CCDC92B: variants seen among roughly 807,000 people sequenced by gnomAD.
CCDC92B encodes the protein coiled-coil domain-containing 92B.
Under a neutral mutation model 5.6 loss-of-function variants are expected in CCDC92B, and 2 were observed. The observed-to-expected ratio is 0.36, with a 90% confidence interval of 0.15 to 1.12. CCDC92B has a LOEUF of 1.12. Ranked by LOEUF, CCDC92B falls within the 50% of genes most tolerant of loss-of-function variation. CCDC92B has a pLI of 0.40. For missense variants in CCDC92B, 271 were observed against 262.2 expected (o/e 1.03, Z -0.23); for synonymous variants, 115 against 122.3 (o/e 0.94, Z 0.39).
At chr17:2,725,896 A>C (rs914531536) in intron 3 of CCDC92B, among the ~76,000 whole-genome samples, 2 of 151,848 alleles carry the variant, frequency 1.3e-5, no homozygotes, top group African/African-American at 4.8e-5. Context: ...AGCTTGTGTA[A>C]AAGTCCAGAG....
intron 1 of CCDC92B, among the ~76,000 whole-genome samples, chr17:2,740,975 A>AG (rs1162687435): frequency 6.6e-6 from 1 of 151,008 alleles, no homozygotes; most frequent in East Asian, 1.9e-4. Flanking sequence ...CAAAAAAAAA[A>AG]AAAAAAAAAA....
chr17:2,746,428 A>G (rs149968612), intron 1 of CCDC92B, among the ~76,000 whole-genome samples: 32 of 152,358 alleles, frequency 2.1e-4, no homozygotes, highest in African/African-American at 7.5e-4. Context: ...TCTGAAAGTT[A>G]CAAATACTTT....
Position 2,724,313 on chromosome 17 carries a change from G to A in CCDC92B, c.*98C>T, listed in dbSNP as rs907841178. The A allele has an allele frequency of 3.0e-6, 3 of 985,224 alleles. No homozygotes were observed. The highest frequency in any genetic ancestry group is 1.7e-5 in the African/African-American group (1 of 57,214). The allele number at this position is 985,224 out of a possible 1,614,324, so 61.0% of individuals were successfully genotyped here. On this transcript the variant is annotated 3_prime_UTR_variant, in exon 4 of 4. Transcript: ENST00000614400. The surrounding 1 kb of genome is among the most constrained non-coding windows in gnomAD (Gnocchi z 5.0). ...CCTCGCCCCGCTTCCTGGAGGAGGG[G>A]CGGCTGCCCTCCGACCCGGGACCTG...
At chr17:2,737,545 G>C (rs564823065) in intron 1 of CCDC92B, among the ~76,000 whole-genome samples, 1 of 139,236 alleles carries the variant, frequency 7.2e-6, no homozygotes, top group South Asian at 2.4e-4. Context: ...CACGATCTCG[G>C]CTCACTGCAA....
chr17:2,725,567 C>T (rs548695676), intron 3 of CCDC92B, among the ~76,000 whole-genome samples: 10 of 151,792 alleles, frequency 6.6e-5, no homozygotes, highest in African/African-American at 2.4e-4. Flanking sequence ...GTGCAAACCC[C>T]TTCCTGGCCC....
chr17:2,746,951 T>C (rs1056459036), intron 1 of CCDC92B, among the ~76,000 whole-genome samples: 1 of 152,176 alleles, frequency 6.6e-6, no homozygotes, highest in Non-Finnish European at 1.5e-5. Flanking sequence ...GGACTACAGA[T>C]GTGAGCCACA....
In CCDC92B at chr17:2,723,827, G is replaced by C. The variant is rs2070687422; in HGVS notation, c.*584C>G. The C allele has an allele frequency of 2.5e-6, 1 of 407,246 alleles. No individual in the cohort carries two copies. Among genetic ancestry groups the C allele is most frequent in the African/African-American group, 2.2e-5 (1 of 46,274 alleles). The allele number at this position is 407,246 out of a possible 1,614,324, so 25.2% of individuals were successfully genotyped here. A position where few individuals can be genotyped will look rare whatever the true frequency, so the allele number is the denominator to read the frequency against. On this transcript the variant is annotated 3_prime_UTR_variant, in exon 4 of 4. Coordinates refer to ENST00000614400, the MANE Select transcript of CCDC92B (RefSeq NM_001355573.2). Reference sequence around the variant, plus strand: ...CGCACTTTTCCCACCAGGGGCTCTGGGAGGACGTGTCTTCTAAAGTGTTCC... The same window carrying C: ...CGCACTTTTCCCACCAGGGGCTCTGCGAGGACGTGTCTTCTAAAGTGTTCC...
At chr17:2,731,139 G>A (rs1309334639) in intron 2 of CCDC92B, among the ~76,000 whole-genome samples, 2 of 152,196 alleles carry the variant, frequency 1.3e-5, no homozygotes, top group Non-Finnish European at 2.9e-5. Flanking sequence ...TCTATTGATG[G>A]GGGCCGGGCT....
chr17:2,738,335 G>A (rs2070878077), intron 1 of CCDC92B, among the ~76,000 whole-genome samples: 1 of 152,054 alleles, frequency 6.6e-6, no homozygotes, highest in Admixed American at 6.6e-5. Context: ...GCTGGATCCA[G>A]CTGATTTATG....
Position 2,722,098 on chromosome 17 carries a change from G to A in CCDC92B, c.*2313C>T, listed in dbSNP as rs2151734756. The A allele has an allele frequency of 6.6e-6, 1 of 152,270 alleles. No individual in the cohort carries two copies. The highest frequency in any genetic ancestry group is 2.4e-5 in the African/African-American group (1 of 41,536). The allele number at this position is 152,270 out of a possible 1,614,324, so 9.4% of individuals were successfully genotyped here. A position where few individuals can be genotyped will look rare whatever the true frequency, so the allele number is the denominator to read the frequency against. ...TCTGCAGAAGAATCGACCTAACAAA[G>A]TCACCCTGTTCACCCCAAAAGTGTG... On this transcript the variant is annotated 3_prime_UTR_variant, in exon 4 of 4. Transcript: ENST00000614400.
chr17:2,737,926 C>T (rs1028329653), intron 1 of CCDC92B, among the ~76,000 whole-genome samples: 9 of 152,104 alleles, frequency 5.9e-5, no homozygotes, highest in African/African-American at 2.2e-4. Flanking sequence ...TACCACCCCA[C>T]CCCACTTCAC....
chr17:2,742,314 C>T (rs77187791), intron 1 of CCDC92B, among the ~76,000 whole-genome samples: 4,522 of 152,088 alleles, frequency 0.03, 220 homozygotes, highest in African/African-American at 0.1. Flanking sequence ...ATCACTCTGG[C>T]GGCTGTGGGG....
intron 1 of CCDC92B, among the ~76,000 whole-genome samples, chr17:2,738,501 A>G (rs1334626966): frequency 6.6e-6 from 1 of 151,764 alleles, no homozygotes; most frequent in Non-Finnish European, 1.5e-5. Flanking sequence ...GGCTGGGCGC[A>G]GTGGCTCACG....
At chr17:2,743,014 G>A (rs187797617) in intron 1 of CCDC92B, among the ~76,000 whole-genome samples, 93 of 152,200 alleles carry the variant, frequency 6.1e-4, no homozygotes, top group Non-Finnish European at 1.1e-3. Flanking sequence ...TATCTCCATC[G>A]TCATCACCCA....
chr17:2,744,621 A>G lies in CCDC92B; in HGVS notation c.-24+4790T>C, dbSNP rs61063271. ...GGCAAACAGGAAGTACTCAGTAAAC[A>G]TCTTTAGAGTGGGTGAAGTTGTGGG... is the stretch of plus-strand genomic sequence containing the variant. On this transcript the variant is annotated intron_variant, in intron 1 of 3. Transcript: ENST00000614400. 7.9e-3 allele frequency among the ~76,000 whole-genome samples: 1,208 copies of G among 152,298 alleles called. 19 individuals are homozygous for G. Among genetic ancestry groups the G allele is most frequent in the African/African-American group, 0.027 (1,125 of 41,564 alleles).
chr17:2,748,995 G>T (rs1442152924), intron 1 of CCDC92B, among the ~76,000 whole-genome samples: 2 of 152,146 alleles, frequency 1.3e-5, no homozygotes, highest in Non-Finnish European at 2.9e-5. Context: ...GGGTGTATGG[G>T]GAAACTGGAG....
intron 1 of CCDC92B, 39 bp downstream of exon 1, chr17:2,749,343 CCGCGCTGCTCCCCCCTGGGGCCGCTCCGG>C (rs1194682664): frequency 6.6e-6 from 1 of 152,012 alleles, no homozygotes; most frequent in African/African-American, 2.4e-5. Flanking sequence ...TGGAGCTTGG[CCGCGCTGCTCCCCCCTGGGGCCGCTCCGG>C]CGCCCACACC....
At position 2,724,640 on chromosome 17, in the gene CCDC92B, T is replaced by C; in HGVS notation, c.539A>G (p.His180Arg). ...GCCGGGGCCCTTGGCGGCGGCCTCGTGGGCAGCAGGCGGGCGGCGGGCTCG... is the reference window on the plus strand; with the variant it reads ...GCCGGGGCCCTTGGCGGCGGCCTCGCGGGCAGCAGGCGGGCGGCGGGCTCG... ...ALRARRPPAA[H>R]EAAAKGPGRD... is the part of the protein sequence containing the mutation. The change falls in exon 4 of 4, where the codon CAC (histidine) becomes CGC (arginine). Residue 180 changes from histidine to arginine, a missense_variant. Transcript: ENST00000614400. The surrounding 1 kb of genome is among the most constrained non-coding windows in gnomAD (Gnocchi z 5.0). 1.0e-6 allele frequency: 1 copy of C among 981,074 alleles called. No individual in the cohort carries two copies. Among genetic ancestry groups the C allele is most frequent in the African/African-American group, 1.8e-5 (1 of 56,640 alleles). The allele number at this position is 981,074 out of a possible 1,614,324, so 60.8% of individuals were successfully genotyped here.
At chr17:2,738,754 G>A (rs1201076714) in intron 1 of CCDC92B, among the ~76,000 whole-genome samples, 2 of 122,546 alleles carry the variant, frequency 1.6e-5, no homozygotes, top group African/African-American at 3.2e-5. Flanking sequence ...AGCAAGACTC[G>A]TCTCAAAAAA....
Sources: gnomAD v4.1 joint callset for allele counts (sites outside exome capture counted in the v4.1 genomes callset) on GRCh38, gnomAD v4.1.1 for gene constraint, Gnocchi (gnomAD v3.1) non-coding constraint, MANE v1.5 for transcripts, NCBI Gene and HGNC (gene_info 2026-07-23, HGNC 2026-07-21) for gene names.